Variants in SPATS2 observed in about 807,000 individuals in gnomAD.
The protein encoded by SPATS2 is spermatogenesis-associated serine-rich protein 2.
Under a neutral mutation model 63.7 loss-of-function variants are expected in SPATS2, and 38 were observed. The ratio of observed to expected loss-of-function variants is 0.60; its 90% CI spans 0.46 to 0.78. The LOEUF (loss-of-function observed/expected upper bound fraction) is 0.78, where lower values mean the gene tolerates loss of function less well. Among genes scored for constraint, SPATS2 ranks in the 30% least tolerant of loss-of-function variants. SPATS2 has a pLI of 0.00. For synonymous variants in SPATS2, 207 were observed against 232.9 expected, an observed-to-expected ratio of 0.89 and a Z score of 1.01; for missense variants, 588 against 666.2, an observed-to-expected ratio of 0.88 and a Z score of 1.29.
At chr12:49,421,445 A>C (rs1353189389) in intron 2 of SPATS2, among the ~76,000 whole-genome samples, 1 of 121,018 alleles carries the variant, frequency 8.3e-6, no homozygotes, top group Non-Finnish European at 1.8e-5. Flanking sequence ...AAAAAAAAAC[A>C]ACCTTTGCAC....
intron 4 of SPATS2, 40 bp from the exon 5 acceptor site, chr12:49,489,425 T>A: frequency 6.5e-7 from 1 of 1,548,720 alleles, no homozygotes; most frequent in Non-Finnish European, 8.9e-7. Flanking sequence ...CCTAGTGACC[T>A]ACTAATGTTA....
At chr12:49,506,537 C>T (rs1231906648) in intron 9 of SPATS2, among the ~76,000 whole-genome samples, 1 of 152,158 alleles carries the variant, frequency 6.6e-6, no homozygotes, top group Non-Finnish European at 1.5e-5. Context: ...CACCTGGCCC[C>T]ACCCTTGACA....
intron 2 of SPATS2, among the ~76,000 whole-genome samples, chr12:49,405,711 T>C (rs1313628162): frequency 3.3e-5 from 5 of 152,076 alleles, no homozygotes; most frequent in Admixed American, 2.6e-4. Flanking sequence ...CGAGACTGTC[T>C]CAAAAAAAGG....
chr12:49,463,217 A>T (rs1945852300), intron 3 of SPATS2: 2 of 151,836 alleles, frequency 1.3e-5, no homozygotes, highest in African/African-American at 4.8e-5. Context: ...CATGCTGGCT[A>T]ACACAGTGAA....
chr12:49,375,580 C>T (rs909856409), intron 2 of SPATS2, among the ~76,000 whole-genome samples: 2 of 152,172 alleles, frequency 1.3e-5, no homozygotes, highest in Non-Finnish European at 2.9e-5. Context: ...AGTGACTCTT[C>T]TGCTTACCTT....
intron 3 of SPATS2, among the ~76,000 whole-genome samples, chr12:49,483,882 C>T (rs1040317517): frequency 2.7e-4 from 41 of 152,218 alleles, no homozygotes; most frequent in African/African-American, 9.2e-4. Context: ...TTGAAAAGCA[C>T]TCTAACCATT....
intron 2 of SPATS2, among the ~76,000 whole-genome samples, chr12:49,435,022 CTTTT>C (rs776284070): frequency 3.5e-5 from 4 of 114,054 alleles, no homozygotes; most frequent in African/African-American, 9.6e-5. Context: ...AACTGAATGG[CTTTT>C]TTTTTTTTTT....
At chr12:49,452,768 T>C (rs1474890771) in intron 2 of SPATS2, among the ~76,000 whole-genome samples, 1 of 152,144 alleles carries the variant, frequency 6.6e-6, no homozygotes, top group Non-Finnish European at 1.5e-5. Flanking sequence ...TTTTATTTTT[T>C]TTTAACCGTG....
chr12:49,479,576 C>T (rs1364084153), intron 3 of SPATS2, among the ~76,000 whole-genome samples: 2 of 152,168 alleles, frequency 1.3e-5, no homozygotes, highest in Non-Finnish European at 2.9e-5. Context: ...CCTGAGTCTA[C>T]AGCCACAGTT....
chr12:49,461,880 A>G (rs559820611), intron 3 of SPATS2, among the ~76,000 whole-genome samples: 9 of 152,326 alleles, frequency 5.9e-5, no homozygotes, highest in Non-Finnish European at 1.0e-4. Context: ...GCTCTAAGGA[A>G]TGCTTAGATT....
At chr12:49,488,357 T>A (rs887217180) in intron 4 of SPATS2, among the ~76,000 whole-genome samples, 4 of 151,886 alleles carry the variant, frequency 2.6e-5, no homozygotes, top group African/African-American at 9.7e-5. Flanking sequence ...ATTTTTAGTC[T>A]CAAAAAATAT....
chr12:49,442,780 T>C lies in SPATS2; in HGVS notation c.-243-17990T>C, dbSNP rs1325826240. ...GTCTGGGCAACAGAGAGAGACCATG[T>C]CTCCTTAAAAAAAAAAAAAAAAAAA... On this transcript the variant is annotated intron_variant, in intron 2 of 13. Coordinates refer to ENST00000552918, the MANE Select transcript of SPATS2 (RefSeq NM_023071.4). The C allele has an allele frequency of 1.1e-4, 9 of 78,956 alleles. No individual in the cohort carries two copies. The South Asian group carries it at 4.8e-3, about 42-fold the overall frequency. The allele number at this position is 78,956 out of a possible 1,614,324, so 4.9% of individuals were successfully genotyped here.
At position 49,487,361 on chromosome 12, in the gene SPATS2, C is replaced by T. The variant is rs538708354; in HGVS notation, c.106-2104C>T. On this transcript the variant is annotated intron_variant, in intron 4 of 13. Coordinates refer to ENST00000552918, the MANE Select transcript of SPATS2 (RefSeq NM_023071.4). ...CAAAAATTAGCCAGGCATGGTGGTG[C>T]ACGTCTCTAATCCCAGCTACCTGGG... Among the ~76,000 whole-genome samples the T allele has an allele frequency of 1.1e-3, 171 of 152,140 alleles. 1 individual carries two copies. Among genetic ancestry groups the T allele is most frequent in the African/African-American group, 3.8e-3 (157 of 41,498 alleles).
chr12:49,480,382 C>T lies in SPATS2; in HGVS notation c.26-4208C>T, dbSNP rs144403751. ...GGTAGAGCTTTTAATAATTTTCACT[C>T]CATAATAATGTTATTGTGGAGGTCT... On this transcript the variant is annotated intron_variant, in intron 3 of 13. Coordinates refer to ENST00000552918, the MANE Select transcript of SPATS2 (RefSeq NM_023071.4). Among the ~76,000 whole-genome samples the T allele has an allele frequency of 8.6e-4, 131 of 152,246 alleles. 1 individual carries two copies. The highest frequency in any genetic ancestry group is 2.9e-3 in the African/African-American group (119 of 41,526).
At chr12:49,522,617 A>G (rs1474133000) in intron 11 of SPATS2, 134 bp from the exon 12 acceptor site, 3 of 612,278 alleles carry the variant, frequency 4.9e-6, no homozygotes, top group Non-Finnish European at 8.5e-6. Flanking sequence ...GGCGTTGGTC[A>G]TGTGATGGCC....
intron 2 of SPATS2, among the ~76,000 whole-genome samples, chr12:49,444,216 GT>G (rs879264856): frequency 1.0e-3 from 95 of 92,026 alleles, no homozygotes; most frequent in Admixed American, 1.4e-3. Flanking sequence ...TTTTGTTGTT[GT>G]TTTTTTTTTT....
At chr12:49,489,639 A>G in intron 5 of SPATS2, 66 bp downstream of exon 5, 1 of 1,376,544 alleles carries the variant, frequency 7.3e-7, no homozygotes, top group South Asian at 1.3e-5. Flanking sequence ...TCAGACTTTT[A>G]TAACATTCAG....
chr12:49,526,211 C>CA lies in SPATS2; in HGVS notation c.1595dup (p.Arg533AlafsTer9). 6.2e-7 allele frequency: 1 copy of CA among 1,614,102 alleles called. No individual in the cohort carries two copies. Among genetic ancestry groups the CA allele is most frequent in the South Asian group, 1.1e-5 (1 of 91,074 alleles). On this transcript the variant is annotated frameshift_variant, in exon 14 of 14. Transcript: ENST00000552918. LOFTEE classifies it high-confidence loss of function. Reference sequence around the variant, plus strand: ...GCCTTCATTCAAAAAGGGGCTCCCCCAGCGCAAACCCAGGACCTCTCAGAC... The same window carrying CA: ...GCCTTCATTCAAAAAGGGGCTCCCCCAAGCGCAAACCCAGGACCTCTCAGAC...
At chr12:49,428,763 C>T (rs189802925) in intron 2 of SPATS2, among the ~76,000 whole-genome samples, 65 of 152,294 alleles carry the variant, frequency 4.3e-4, no homozygotes, top group Admixed American at 2.8e-3. Flanking sequence ...TGCTTGGAAT[C>T]TCCCTTTATG....
Sources: allele counts gnomAD v4.1 joint callset (sites outside exome capture counted in the v4.1 genomes callset), GRCh38; gene constraint gnomAD v4.1.1; transcripts MANE v1.5; gene names NCBI Gene and HGNC (gene_info 2026-07-23, HGNC 2026-07-21).